Variants in BRD10 observed in about 807,000 individuals in gnomAD.
BRD10 encodes the protein bromodomain containing 10.
At chr9:5,920,192 G>C in the BRD10 span, 1 of 1,613,956 alleles carries the variant, frequency 6.2e-7, no homozygotes, top group Non-Finnish European at 8.5e-7. Context: ...GTTATCTATT[G>C]GTGTAGATTG....
the BRD10 span, among the ~76,000 whole-genome samples, chr9:5,883,462 CTTT>C: frequency 2.3e-4 from 24 of 102,378 alleles, no homozygotes; most frequent in South Asian, 6.9e-3. Flanking sequence ...CCTTCTTCTT[CTTT>C]TTTTTTTTTT....
chr9:5,935,103 A>G, the BRD10 span, among the ~76,000 whole-genome samples: 1 of 152,188 alleles, frequency 6.6e-6, no homozygotes, highest in Non-Finnish European at 1.5e-5. Context: ...TAATACATAT[A>G]AATATGAAAA....
At chr9:5,901,686 A>T in the BRD10 span, among the ~76,000 whole-genome samples, 23 of 151,504 alleles carry the variant, frequency 1.5e-4, no homozygotes, top group Admixed American at 3.9e-4. Context: ...GCCTGGCTAA[A>T]TTTTTTTGTA....
chr9:5,990,161 G>A, the BRD10 span, among the ~76,000 whole-genome samples: 2 of 152,210 alleles, frequency 1.3e-5, no homozygotes. Flanking sequence ...GCATACATCT[G>A]TATGATAGCT....
At chr9:5,952,908 G>A in the BRD10 span, among the ~76,000 whole-genome samples, 3 of 152,010 alleles carry the variant, frequency 2.0e-5, no homozygotes, top group African/African-American at 7.2e-5. Flanking sequence ...TGCAACCAAG[G>A]TTATATAATA....
chr9:5,895,077 C>T, the BRD10 span, among the ~76,000 whole-genome samples: 1 of 152,212 alleles, frequency 6.6e-6, no homozygotes, highest in Non-Finnish European at 1.5e-5. Flanking sequence ...ACCCACTCAA[C>T]CCGTATGCGT....
chr9:5,920,387 G>C, the BRD10 span: 3 of 1,613,956 alleles, frequency 1.9e-6, no homozygotes, highest in Non-Finnish European at 2.5e-6. Flanking sequence ...CTGAATACAA[G>C]GTTCACTGAA....
the BRD10 span, chr9:5,968,345 G>A: frequency 6.2e-7 from 1 of 1,609,866 alleles, no homozygotes. Flanking sequence ...TAATGGACTG[G>A]GTTCAATCTT....
the BRD10 span, among the ~76,000 whole-genome samples, chr9:5,966,455 CTTTTTTTTTTT>C: frequency 2.4e-4 from 20 of 83,776 alleles, no homozygotes; most frequent in East Asian, 5.0e-3. Flanking sequence ...CTAACATTTC[CTTTTTTTTTTT>C]TTTTTTTTTT....
the BRD10 span, among the ~76,000 whole-genome samples, chr9:5,936,378 A>T: frequency 2.6e-5 from 4 of 152,204 alleles, no homozygotes; most frequent in African/African-American, 7.2e-5. Flanking sequence ...TGAATAATTT[A>T]TCAGTGTTTC....
chr9:5,944,933 T>G, the BRD10 span: 1 of 1,542,266 alleles, frequency 6.5e-7, no homozygotes, highest in Non-Finnish European at 8.8e-7. Flanking sequence ...ATTAATTCCC[T>G]GAGTTCATCA....
the BRD10 span, chr9:5,924,760 C>T: frequency 1.9e-6 from 3 of 1,606,736 alleles, no homozygotes; most frequent in Non-Finnish European, 2.6e-6. Flanking sequence ...TCTCCTTCAC[C>T]TTCATCAGTG....
chr9:5,883,687 G>T, the BRD10 span, among the ~76,000 whole-genome samples: 86 of 151,916 alleles, frequency 5.7e-4, 1 homozygote, highest in African/African-American at 2.0e-3. Context: ...GCCCAGGCTG[G>T]TCTTGAACTC....
chr9:5,908,825 C>T, the BRD10 span: 2 of 933,568 alleles, frequency 2.1e-6, no homozygotes, highest in East Asian at 2.5e-5. Flanking sequence ...CAAGCCATCT[C>T]TAATAATAAG....
chr9:5,954,200 G>A, the BRD10 span: 1 of 642,420 alleles, frequency 1.6e-6, no homozygotes, highest in South Asian at 1.9e-5. Flanking sequence ...ACTAACAGAT[G>A]GCTGCTAGTG....
At chr9:5,988,360 G>A in the BRD10 span, 2 of 1,608,630 alleles carry the variant, frequency 1.2e-6, no homozygotes, top group African/African-American at 2.7e-5. Context: ...TTCTTCTTTT[G>A]CTCTCAGCTG....
the BRD10 span, among the ~76,000 whole-genome samples, chr9:6,002,322 T>C: frequency 6.6e-6 from 1 of 152,178 alleles, no homozygotes; most frequent in South Asian, 2.1e-4. Context: ...TTTTAAAGAA[T>C]GGCTACTATA....
chr9:5,893,887 T>G, the BRD10 span, among the ~76,000 whole-genome samples: 1 of 151,290 alleles, frequency 6.6e-6, no homozygotes, highest in South Asian at 2.1e-4. Context: ...ACACGTCACT[T>G]CTGCTTATTG....
At chr9:5,919,920 T>C in the BRD10 span, 21 of 1,613,838 alleles carry the variant, frequency 1.3e-5, no homozygotes, top group African/African-American at 2.7e-4. Flanking sequence ...GGAGGATTAC[T>C]GGGGCAAATG....
Sources: gnomAD v4.1 joint callset for allele counts (sites outside exome capture counted in the v4.1 genomes callset) on GRCh38, gnomAD v4.1.1 for gene constraint, MANE v1.5 for transcripts, NCBI Gene and HGNC (gene_info 2026-07-23, HGNC 2026-07-21) for gene names.